The following FZR1 variants were observed in gnomAD, a reference collection of about 807,000 sequenced individuals.
FZR1 encodes the protein fizzy and cell division cycle 20 related 1.
FZR1 carries 11 observed loss-of-function variants against 63.6 expected under a neutral mutation model. The ratio of observed to expected loss-of-function variants is 0.17; its 90% CI spans 0.11 to 0.29. The LOEUF (loss-of-function observed/expected upper bound fraction) is 0.29. FZR1 is among the 10% of genes least tolerant of loss of function. The pLI is 1.00. For synonymous variants in FZR1, 328 were observed against 297.9 expected (o/e 1.10, Z -1.04); for missense variants, 440 against 687.5 (o/e 0.64, Z 4.03).
chr19:3,529,050 G>C (rs1452094351), intron 7 of FZR1, among the ~76,000 whole-genome samples: 1 of 151,506 alleles, frequency 6.6e-6, no homozygotes, highest in Non-Finnish European at 1.5e-5. Context: ...GAGAGGATGG[G>C]AGTGCGGATG....
intron 7 of FZR1, among the ~76,000 whole-genome samples, chr19:3,528,438 C>T (rs775981694): frequency 6.6e-6 from 1 of 152,250 alleles, no homozygotes; most frequent in Admixed American, 6.5e-5. Context: ...ACCATTTGAG[C>T]GTCCTCTCCC....
Position 3,526,400 on chromosome 19 carries a change from A to C in FZR1, c.387+14A>C. On this transcript the variant is annotated intron_variant, in intron 5 of 13. Transcript: ENST00000441788. The surrounding 1 kb of genome is among the most constrained non-coding windows in gnomAD (Gnocchi z 5.4). The stretch of plus-strand genomic sequence containing the variant: ...GGTCTGTTCACGGTAAGCCTGCGGC[A>C]CCCCCCACCCGGGAGCTGGCTCCCA... 6.4e-7 allele frequency: 1 copy of C among 1,552,034 alleles called. No homozygotes were observed. Among genetic ancestry groups the C allele is most frequent in the Non-Finnish European group, 8.7e-7 (1 of 1,147,736 alleles).
At position 3,533,029 on chromosome 19, in the gene FZR1, C is replaced by A. The variant is rs904261678; in HGVS notation, c.1243-265C>A. 1.3e-5 allele frequency among the ~76,000 whole-genome samples: 2 copies of A among 152,088 alleles called. No individual in the cohort carries two copies. Among genetic ancestry groups the A allele is most frequent in the Non-Finnish European group, 2.9e-5 (2 of 67,978 alleles). ...CCAGGACAGTCTCGGGGGTGACTTG[C>A]AGGTGGGGCAGAGGGGCTGTGGGCC... On this transcript the variant is annotated intron_variant, in intron 11 of 13. Coordinates refer to ENST00000441788, the MANE Select transcript of FZR1 (RefSeq NM_016263.4). This position sits in a 1 kb window ranked among gnomAD's most constrained non-coding sequence, Gnocchi z 4.9.
rs561108741 is a variant in FZR1 at position 3,534,334 on chromosome 19, C to T, written c.1348-87C>T. 1.2e-3 allele frequency: 876 copies of T among 717,092 alleles called. 3 individuals carry two copies. Among genetic ancestry groups the T allele is most frequent in the Middle Eastern group, 3.0e-3 (11 of 3,616 alleles). 44.4% of individuals were successfully genotyped at this position (717,092 alleles called of 1,614,324 possible). A position where few individuals can be genotyped will look rare whatever the true frequency, so the allele number is the denominator to read the frequency against. ...GTCTGGGGGGCCCAGCCACCCGACA[C>T]CTTGCTCCCCTCTCCTTCAGTCCCC... On this transcript the variant is annotated intron_variant, in intron 12 of 13. Transcript: ENST00000441788.
At chr19:3,529,968 G>A (rs1179633489) in intron 7 of FZR1, among the ~76,000 whole-genome samples, 1 of 127,982 alleles carries the variant, frequency 7.8e-6, no homozygotes, top group African/African-American at 3.0e-5. Flanking sequence ...GAGTGGATGA[G>A]AGTGGTTGAG....
Position 3,533,731 on chromosome 19 carries a change from C to A in FZR1, c.1347+333C>A. ...CCACTCAGATGACCCTGTGAACGTC[C>A]TACACAGTAACTGTATGCACGTGGC... On this transcript the variant is annotated intron_variant, in intron 12 of 13. Coordinates refer to ENST00000441788, the MANE Select transcript of FZR1 (RefSeq NM_016263.4). This position sits in a 1 kb window ranked among gnomAD's most constrained non-coding sequence, Gnocchi z 4.9. 3.2e-6 allele frequency: 1 copy of A among 308,902 alleles called. No individual in the cohort carries two copies. Among genetic ancestry groups the A allele is most frequent in the Non-Finnish European group, 6.1e-6 (1 of 163,700 alleles). 19.1% of individuals were successfully genotyped at this position (308,902 alleles called of 1,614,324 possible).
In FZR1 at chr19:3,538,171, G is replaced by GGAAGCGGA. The variant is rs558480258; in HGVS notation, c.*3338_*3345dup. On this transcript the variant is annotated 3_prime_UTR_variant, in exon 14 of 14. Coordinates refer to ENST00000441788, the MANE Select transcript of FZR1 (RefSeq NM_016263.4). ...TCTGTGGGGACCTGACAAGGGCAGG[G>GGAAGCGGA]GAAGCGGAGACCAGGGTGCAGGCTC... 154 of 158,602 alleles carry GGAAGCGGA rather than the reference G, an allele frequency of 9.7e-4. 1 individual carries two copies. Among genetic ancestry groups the GGAAGCGGA allele is most frequent in the Admixed American group, 1.9e-3 (31 of 16,166 alleles). The allele number at this position is 158,602 out of a possible 1,614,324, so 9.8% of individuals were successfully genotyped here. A position where few individuals can be genotyped will look rare whatever the true frequency, so the allele number is the denominator to read the frequency against.
Position 3,533,263 on chromosome 19 carries a change from C to T in FZR1, c.1243-31C>T. On this transcript the variant is annotated intron_variant, in intron 11 of 13. Coordinates refer to ENST00000441788, the MANE Select transcript of FZR1 (RefSeq NM_016263.4). This position sits in a 1 kb window ranked among gnomAD's most constrained non-coding sequence, Gnocchi z 4.9. The stretch of plus-strand genomic sequence containing the variant: ...CATAGCACCCGGCCTCGTTGCCCCT[C>T]ACCGACCGCAGCGCCCCCTCCGCCC... The T allele has an allele frequency of 7.2e-7, 1 of 1,387,612 alleles. No individual in the cohort carries two copies. Among genetic ancestry groups the T allele is most frequent in the South Asian group, 1.2e-5 (1 of 86,640 alleles). The allele number at this position is 1,387,612 out of a possible 1,614,324, so 86.0% of individuals were successfully genotyped here. A position where few individuals can be genotyped will look rare whatever the true frequency, so the allele number is the denominator to read the frequency against.
chr19:3,517,735 C>T (rs1369400304), intron 1 of FZR1, among the ~76,000 whole-genome samples: 3 of 151,886 alleles, frequency 2.0e-5, no homozygotes, highest in African/African-American at 7.3e-5. Context: ...AACTCCAGGG[C>T]GCTCCTGTTT....
Position 3,525,400 on chromosome 19 carries a change from G to A in FZR1, c.70-468G>A, listed in dbSNP as rs946851150. ...GAAATCCCTGACCATGAGTGACCAC[G>A]AGTGACTGTGTGGCTCCCCTCCTTG... is the stretch of plus-strand genomic sequence containing the variant. On this transcript the variant is annotated intron_variant, in intron 2 of 13. Transcript: ENST00000441788. This position sits in a 1 kb window ranked among gnomAD's most constrained non-coding sequence, Gnocchi z 4.2. Among the ~76,000 whole-genome samples, 3 of 150,282 alleles carry A rather than the reference G, an allele frequency of 2.0e-5. No homozygotes were observed. Among genetic ancestry groups the A allele is most frequent in the Admixed American group, 6.6e-5 (1 of 15,098 alleles).
At chr19:3,529,697 T>TGAACGGATGGGA (rs2083212435) in intron 7 of FZR1, among the ~76,000 whole-genome samples, 5 of 92,956 alleles carry the variant, frequency 5.4e-5, no homozygotes, top group African/African-American at 3.7e-4. Context: ...AGTGGATGGT[T>TGAACGGATGGGA]GAGCGGATGG....
rs143763296 is a variant in FZR1, at chr19:3,515,038, G to A, written c.-34-7918G>A. 5.1e-3 allele frequency among the ~76,000 whole-genome samples: 775 copies of A among 152,294 alleles called. 1 individual carries two copies. Among genetic ancestry groups the A allele is most frequent in the Non-Finnish European group, 8.1e-3 (549 of 68,016 alleles). ...AAGGGGATGGGGCAGCAGGAAGCCC[G>A]GTGGCCCAGGGCCCGGGTCCACCAC... On this transcript the variant is annotated intron_variant, in intron 1 of 13. Transcript: ENST00000441788. The surrounding 1 kb of genome is among the most constrained non-coding windows in gnomAD (Gnocchi z 4.6).
intron 10 of FZR1, 137 bp from the exon 11 acceptor site, chr19:3,532,280 G>C: frequency 2.4e-6 from 2 of 837,914 alleles, no homozygotes; most frequent in East Asian, 5.4e-5. Flanking sequence ...TGACGAGTGT[G>C]TGCCCCCAGG....
Position 3,526,062 on chromosome 19 carries a change from C to G in FZR1, c.196-58C>G, listed in dbSNP as rs1231757376. 1.2e-6 allele frequency: 2 copies of G among 1,611,486 alleles called. No individual in the cohort carries two copies. Among genetic ancestry groups the G allele is most frequent in the Non-Finnish European group, 1.7e-6 (2 of 1,178,962 alleles). On this transcript the variant is annotated intron_variant, in intron 3 of 13. Transcript: ENST00000441788. This position sits in a 1 kb window ranked among gnomAD's most constrained non-coding sequence, Gnocchi z 5.4. The stretch of plus-strand genomic sequence containing the variant: ...CAGGGCCCCTCCCAGCCTCCTTGCT[C>G]TAGGGCCGGGAACAAGCGGGCTCCT...
At chr19:3,509,703 T>C (rs2083011062) in intron 1 of FZR1, among the ~76,000 whole-genome samples, 1 of 152,164 alleles carries the variant, frequency 6.6e-6, no homozygotes, top group South Asian at 2.1e-4. Flanking sequence ...AATCCCACAT[T>C]GTGTGGCCTT....
At chr19:3,508,583 CCAGAATGGAATTG>C (rs1406343250) in intron 1 of FZR1, among the ~76,000 whole-genome samples, 3 of 152,092 alleles carry the variant, frequency 2.0e-5, no homozygotes, top group Non-Finnish European at 4.4e-5. Context: ...TTTGGGAGTC[CCAGAATGGAATTG>C]GTTCTGAGGA....
Position 3,535,624 on chromosome 19 carries a change from C to G in FZR1, c.*788C>G, listed in dbSNP as rs1443443844. On this transcript the variant is annotated 3_prime_UTR_variant, in exon 14 of 14. Transcript: ENST00000441788. ...ACTGAACCCGGACCTGCTCACTGCC[C>G]TGGCTGGAGAGGAGCACAACAGATG... 1.3e-5 allele frequency: 2 copies of G among 152,482 alleles called. No homozygotes were observed. Among genetic ancestry groups the G allele is most frequent in the Non-Finnish European group, 2.9e-5 (2 of 68,198 alleles). 9.4% of individuals were successfully genotyped at this position (152,482 alleles called of 1,614,324 possible).
chr19:3,512,488 G>A (rs1357896574), intron 1 of FZR1, among the ~76,000 whole-genome samples: 1 of 152,138 alleles, frequency 6.6e-6, no homozygotes, highest in Non-Finnish European at 1.5e-5. Context: ...ACTCAGCCTG[G>A]GCTGATCCCG....
intron 1 of FZR1, among the ~76,000 whole-genome samples, chr19:3,522,609 C>T (rs890558959): frequency 1.3e-5 from 2 of 152,182 alleles, no homozygotes; most frequent in African/African-American, 2.4e-5. Context: ...CATGGCTCCT[C>T]GGGACATGGA....
Sources: gnomAD v4.1 joint callset for allele counts (sites outside exome capture counted in the v4.1 genomes callset) on GRCh38, gnomAD v4.1.1 for gene constraint, Gnocchi (gnomAD v3.1) non-coding constraint, MANE v1.5 for transcripts, NCBI Gene and HGNC (gene_info 2026-07-23, HGNC 2026-07-21) for gene names.